Variants in MLLT3 observed in about 807,000 individuals in gnomAD.
MLLT3 encodes the protein MLLT3 super elongation complex subunit.
A neutral mutation model predicts 53.2 loss-of-function variants in MLLT3; 4 were observed. The ratio of observed to expected loss-of-function variants is 0.08; its 90% CI spans 0.04 to 0.17. The LOEUF (loss-of-function observed/expected upper bound fraction) is 0.17. Ranked by LOEUF, MLLT3 falls within the 10% of genes least tolerant of loss-of-function variation. MLLT3 has a pLI of 1.00. For synonymous variants in MLLT3, 283 were observed against 230.6 expected, an observed-to-expected ratio of 1.23 and a Z score of -2.06; for missense variants, 569 against 684.0, an observed-to-expected ratio of 0.83 and a Z score of 1.87.
intron 2 of MLLT3, among the ~76,000 whole-genome samples, chr9:20,499,398 T>C (rs1825162278): frequency 6.6e-6 from 1 of 152,220 alleles, no homozygotes; most frequent in African/African-American, 2.4e-5. Context: ...AGGGAGGCTA[T>C]GCATGTGTGA....
chr9:20,391,226 T>C (rs148341726), intron 5 of MLLT3, among the ~76,000 whole-genome samples: 17 of 152,300 alleles, frequency 1.1e-4, no homozygotes, highest in Admixed American at 7.2e-4. Flanking sequence ...ATCAATCATT[T>C]TGTAGGAATA....
At chr9:20,374,238 G>T (rs998810369) in intron 5 of MLLT3, among the ~76,000 whole-genome samples, 1 of 152,132 alleles carries the variant, frequency 6.6e-6, no homozygotes, top group African/African-American at 2.4e-5. Flanking sequence ...AAAAATATTA[G>T]CCAGGCTTGG....
At chr9:20,353,493 T>C (rs757891649) in intron 10 of MLLT3, 32 bp downstream of exon 10, 3 of 1,593,522 alleles carry the variant, frequency 1.9e-6, no homozygotes, top group East Asian at 2.2e-5. Context: ...TTGAAGTTTC[T>C]GGAAAGGGTT....
intron 2 of MLLT3, among the ~76,000 whole-genome samples, chr9:20,514,084 G>A (rs1464291613): frequency 1.3e-5 from 2 of 152,188 alleles, no homozygotes; most frequent in Non-Finnish European, 2.9e-5. Context: ...TGACTGATAC[G>A]AGGCAGGTGT....
At position 20,346,290 on chromosome 9, in the gene MLLT3, G is replaced by C. The variant is rs142442491; in HGVS notation, c.*153C>G. The C allele has an allele frequency of 2.5e-6, 2 of 812,426 alleles. No individual in the cohort carries two copies. Among genetic ancestry groups the C allele is most frequent in the East Asian group, 5.7e-5 (2 of 34,826 alleles). 50.3% of individuals were successfully genotyped at this position (812,426 alleles called of 1,614,324 possible). A position where few individuals can be genotyped will look rare whatever the true frequency, so the allele number is the denominator to read the frequency against. ...ATGACTGGCTTTAAAGAAAAATAAA[G>C]CTGAAGGTTGTTTGATTTTTATTTT... On this transcript the variant is annotated 3_prime_UTR_variant, in exon 11 of 11. Transcript: ENST00000380338.
chr9:20,527,913 C>A (rs576322805), intron 2 of MLLT3, among the ~76,000 whole-genome samples: 1 of 152,156 alleles, frequency 6.6e-6, no homozygotes, highest in Admixed American at 6.5e-5. Flanking sequence ...ATTTATTACA[C>A]GGTATCCTGA....
At chr9:20,599,631 A>T (rs1820367136) in intron 2 of MLLT3, among the ~76,000 whole-genome samples, 2 of 152,194 alleles carry the variant, frequency 1.3e-5, no homozygotes, top group South Asian at 4.1e-4. Flanking sequence ...AAACAGAGTA[A>T]AACAGTGATG....
chr9:20,589,420 T>A (rs1345100488), intron 2 of MLLT3, among the ~76,000 whole-genome samples: 4 of 116,872 alleles, frequency 3.4e-5, no homozygotes, highest in Admixed American at 3.3e-4. Context: ...AACATCACAC[T>A]CTGGGGACTG....
chr9:20,428,713 A>T (rs76327097), intron 4 of MLLT3, among the ~76,000 whole-genome samples: 1 of 152,106 alleles, frequency 6.6e-6, no homozygotes, highest in Non-Finnish European at 1.5e-5. Context: ...AGAACTTTGA[A>T]AAGAACTAAT....
chr9:20,455,388 T>C (rs545425663), intron 3 of MLLT3, among the ~76,000 whole-genome samples: 1 of 152,312 alleles, frequency 6.6e-6, no homozygotes, highest in African/African-American at 2.4e-5. Flanking sequence ...ACTGTTCCAG[T>C]GGAAGGGATT....
chr9:20,463,577 C>T (rs960504075), intron 2 of MLLT3, among the ~76,000 whole-genome samples: 3 of 152,112 alleles, frequency 2.0e-5, no homozygotes, highest in African/African-American at 7.2e-5. Context: ...ATTGATAGTG[C>T]TTCTCCTAGC....
chr9:20,369,526 G>C (rs1232376975), intron 5 of MLLT3, among the ~76,000 whole-genome samples: 3 of 152,136 alleles, frequency 2.0e-5, no homozygotes, highest in Non-Finnish European at 2.9e-5. Context: ...TGTTGTGGGG[G>C]AGACACCTTA....
chr9:20,600,266 G>C (rs1820387104), intron 2 of MLLT3, among the ~76,000 whole-genome samples: 1 of 152,018 alleles, frequency 6.6e-6, no homozygotes. Flanking sequence ...TGCTGTTATT[G>C]TGTTTGTGTG....
At chr9:20,521,379 A>G (rs1818053239) in intron 2 of MLLT3, among the ~76,000 whole-genome samples, 1 of 152,166 alleles carries the variant, frequency 6.6e-6, no homozygotes, top group African/African-American at 2.4e-5. Flanking sequence ...CCTAAGCTGT[A>G]AACTTTAAAC....
intron 7 of MLLT3, chr9:20,363,009 C>T (rs892674674): frequency 6.5e-6 from 1 of 152,888 alleles, no homozygotes; most frequent in African/African-American, 2.4e-5. Context: ...TGTCAGCACA[C>T]TTAAAAGGAA....
At chr9:20,392,552 A>T (rs926033091) in intron 5 of MLLT3, among the ~76,000 whole-genome samples, 1 of 152,226 alleles carries the variant, frequency 6.6e-6, no homozygotes, top group Non-Finnish European at 1.5e-5. Flanking sequence ...TTAAATGAAG[A>T]AACTTATATT....
chr9:20,476,511 T>C (rs1824524772), intron 2 of MLLT3, among the ~76,000 whole-genome samples: 1 of 152,148 alleles, frequency 6.6e-6, no homozygotes, highest in Admixed American at 6.6e-5. Context: ...AAAAAATTTA[T>C]ATCCTTAAAA....
chr9:20,578,479 A>G lies in MLLT3; in HGVS notation c.193+42175T>C, dbSNP rs114013913. Reference sequence around the variant, plus strand: ...GACTGCTTAAAGCCAAGAGTTCAAGACCAGCCTGGTCAACACAGAAACTAC... The same window carrying G: ...GACTGCTTAAAGCCAAGAGTTCAAGGCCAGCCTGGTCAACACAGAAACTAC... On this transcript the variant is annotated intron_variant, in intron 2 of 10. Transcript: ENST00000380338. Among the ~76,000 whole-genome samples the G allele has an allele frequency of 6.2e-3, 939 of 152,150 alleles. 15 individuals are homozygous for G. Among genetic ancestry groups the G allele is most frequent in the African/African-American group, 0.022 (910 of 41,506 alleles).
At chr9:20,549,106 C>A (rs903404255) in intron 2 of MLLT3, among the ~76,000 whole-genome samples, 4 of 152,120 alleles carry the variant, frequency 2.6e-5, no homozygotes, top group African/African-American at 9.7e-5. Context: ...TTAGCCATCA[C>A]GCCCTGCCTC....
Sources: allele counts gnomAD v4.1 joint callset (sites outside exome capture counted in the v4.1 genomes callset), GRCh38; gene constraint gnomAD v4.1.1; transcripts MANE v1.5; gene names NCBI Gene and HGNC (gene_info 2026-07-23, HGNC 2026-07-21).